ZBTB20: variants seen among roughly 807,000 people sequenced by gnomAD.
The protein encoded by ZBTB20 is zinc finger and BTB domain containing 20.
Under a neutral mutation model 56.9 loss-of-function variants are expected in ZBTB20, and 9 were observed. The observed-to-expected ratio is 0.16, with a 90% CI of 0.10 to 0.28. ZBTB20 has a LOEUF of 0.28. Ranked by LOEUF, ZBTB20 falls within the 10% of genes least tolerant of loss-of-function variation. ZBTB20 has a pLI of 1.00. For missense variants in ZBTB20, 655 were observed against 1,003.0 expected, an observed-to-expected ratio of 0.65 and a Z score of 4.69; for synonymous variants, 417 against 420.7, an observed-to-expected ratio of 0.99 and a Z score of 0.11.
chr3:114,547,078 T>A (rs1158535986), intron 6 of ZBTB20, among the ~76,000 whole-genome samples: 1 of 152,164 alleles, frequency 6.6e-6, no homozygotes, highest in Non-Finnish European at 1.5e-5. Context: ...AAGCTCTTGT[T>A]CATTCCATTC....
chr3:114,468,453 A>G (rs1398032775), intron 7 of ZBTB20, among the ~76,000 whole-genome samples: 10 of 152,114 alleles, frequency 6.6e-5, no homozygotes, highest in Admixed American at 2.0e-4. Flanking sequence ...TACTGCTTTG[A>G]CACATCACTT....
At chr3:114,626,758 T>C (rs1365418813) in intron 6 of ZBTB20, among the ~76,000 whole-genome samples, 1 of 152,210 alleles carries the variant, frequency 6.6e-6, no homozygotes, top group African/African-American at 2.4e-5. Flanking sequence ...TTTTAGAAGC[T>C]TCTCCAAAAG....
chr3:114,342,032 T>C (rs1473202328), intron 11 of ZBTB20, among the ~76,000 whole-genome samples: 1 of 152,216 alleles, frequency 6.6e-6, no homozygotes. Context: ...GGGAGCTCCT[T>C]AAAGGAAGGT....
intron 6 of ZBTB20, among the ~76,000 whole-genome samples, chr3:114,549,106 C>T (rs757809753): frequency 1.2e-4 from 18 of 152,132 alleles, no homozygotes; most frequent in South Asian, 4.1e-4. Flanking sequence ...TTCTATATAA[C>T]GGCAGATGCT....
At position 114,453,902 on chromosome 3, in the gene ZBTB20, T is replaced by C. The variant is rs750040409; in HGVS notation, c.-255+46450A>G. On this transcript the variant is annotated intron_variant, in intron 7 of 11. Transcript: ENST00000675478. ...AAACTAATAAAAATAGAAAAACATA[T>C]ATCAGACATTAAGCTCACTCCCCCC... Among the ~76,000 whole-genome samples the C allele has an allele frequency of 2.0e-5, 3 of 149,226 alleles. No individual in the cohort carries two copies. The East Asian group carries it at 6.0e-4, about 30-fold the overall frequency.
At chr3:114,449,501 C>T (rs1353445490) in intron 7 of ZBTB20, among the ~76,000 whole-genome samples, 3 of 151,970 alleles carry the variant, frequency 2.0e-5, no homozygotes, top group South Asian at 2.1e-4. Context: ...TTCTGAAAAA[C>T]GGAAAGTGTT....
At position 115,043,698 on chromosome 3, in the gene ZBTB20, T is replaced by G. The variant is rs144339324; in HGVS notation, c.-507+27521A>C. On this transcript the variant is annotated intron_variant, in intron 2 of 11. Coordinates refer to ENST00000675478, the MANE Select transcript of ZBTB20 (RefSeq NM_001348800.3). ...TCATCTAACATATAGGAGTAGAATT[T>G]TGAGATATAAAGTTTTACTCCACAT... 4.1e-3 allele frequency among the ~76,000 whole-genome samples: 623 copies of G among 152,156 alleles called. 4 individuals carry two copies. The highest frequency in any genetic ancestry group is 0.014 in the African/African-American group (591 of 41,526).
intron 6 of ZBTB20, among the ~76,000 whole-genome samples, chr3:114,520,453 G>T (rs1203453289): frequency 1.3e-5 from 2 of 152,190 alleles, no homozygotes; most frequent in African/African-American, 4.8e-5. Flanking sequence ...AGGTATACCT[G>T]CAATGTAAAG....
chr3:114,596,294 T>G (rs565324076), intron 6 of ZBTB20, among the ~76,000 whole-genome samples: 1 of 152,206 alleles, frequency 6.6e-6, no homozygotes, highest in Admixed American at 6.5e-5. Flanking sequence ...ACTGCCTATA[T>G]GCCATCACCA....
intron 6 of ZBTB20, among the ~76,000 whole-genome samples, chr3:114,527,867 A>T (rs142568512): frequency 6.6e-6 from 1 of 152,296 alleles, no homozygotes; most frequent in East Asian, 1.9e-4. Context: ...TATTTGTTGT[A>T]CACAGTAGAG....
At chr3:114,852,588 C>T (rs1430636359) in intron 4 of ZBTB20, among the ~76,000 whole-genome samples, 1 of 152,014 alleles carries the variant, frequency 6.6e-6, no homozygotes, top group East Asian at 1.9e-4. Context: ...TTTAAGGAGG[C>T]CACAATGTCT....
intron 7 of ZBTB20, among the ~76,000 whole-genome samples, chr3:114,495,577 T>A (rs1035360386): frequency 2.0e-5 from 3 of 152,122 alleles, no homozygotes; most frequent in Admixed American, 2.0e-4. Context: ...TAAAAATACA[T>A]GGAACTCACC....
chr3:114,721,334 G>C (rs572285180), intron 5 of ZBTB20, among the ~76,000 whole-genome samples: 2 of 152,092 alleles, frequency 1.3e-5, no homozygotes, highest in African/African-American at 2.4e-5. Flanking sequence ...AAGAGAGAGA[G>C]TGCGAGCTTG....
At chr3:114,421,306 T>A (rs2089145702) in intron 7 of ZBTB20, among the ~76,000 whole-genome samples, 1 of 152,128 alleles carries the variant, frequency 6.6e-6, no homozygotes, top group Non-Finnish European at 1.5e-5. Context: ...AGGTAAGTAA[T>A]TCACTATGCG....
chr3:114,657,722 G>A (rs62266297), intron 6 of ZBTB20, among the ~76,000 whole-genome samples: 14 of 152,216 alleles, frequency 9.2e-5, no homozygotes, highest in Non-Finnish European at 1.6e-4. Flanking sequence ...TGTAACAAAC[G>A]TGAATTTTAC....
At chr3:114,784,565 C>A (rs11718235) in intron 5 of ZBTB20, among the ~76,000 whole-genome samples, 9,062 of 152,266 alleles carry the variant, frequency 0.06, 291 homozygotes, top group Middle Eastern at 0.12. Flanking sequence ...CTATCATCTG[C>A]TGGACTCAGG....
intron 4 of ZBTB20, among the ~76,000 whole-genome samples, chr3:114,830,998 A>C (rs1365398978): frequency 6.7e-6 from 1 of 148,766 alleles, no homozygotes; most frequent in Non-Finnish European, 1.5e-5. Flanking sequence ...ATTCCTACCT[A>C]TTGGATCTAA....
chr3:114,511,082 T>C (rs1185873424), intron 6 of ZBTB20, among the ~76,000 whole-genome samples: 2 of 147,312 alleles, frequency 1.4e-5, no homozygotes, highest in African/African-American at 2.5e-5. Context: ...AAAGCTTTTA[T>C]AGACTCTGTC....
At chr3:114,611,833 T>A (rs913005859) in intron 6 of ZBTB20, among the ~76,000 whole-genome samples, 8 of 151,038 alleles carry the variant, frequency 5.3e-5, no homozygotes, top group African/African-American at 2.0e-4. Flanking sequence ...CAGGTTAACT[T>A]CTAAAACATG....
Sources: allele counts gnomAD v4.1 joint callset (sites outside exome capture counted in the v4.1 genomes callset), GRCh38; gene constraint gnomAD v4.1.1; transcripts MANE v1.5; gene names NCBI Gene and HGNC (gene_info 2026-07-23, HGNC 2026-07-21).